The following SPPL2B variants were observed in gnomAD, a reference collection of about 807,000 sequenced individuals.
SPPL2B encodes signal peptide peptidase-like 2B.
In SPPL2B, 39 loss-of-function variants were observed where a neutral mutation model predicts 59.7. The observed-to-expected ratio is 0.65, with a 90% CI of 0.51 to 0.85. SPPL2B has a LOEUF of 0.85. SPPL2B is among the 40% of genes least tolerant of loss of function. The probability of loss-of-function intolerance (pLI) is 0.00; values close to 1 mark genes in which losing one functional copy is unlikely to be tolerated. For synonymous variants in SPPL2B, 419 were observed against 370.8 expected, an observed-to-expected ratio of 1.13 and a Z score of -1.49; for missense variants, 865 against 849.0, an observed-to-expected ratio of 1.02 and a Z score of -0.23.
At chr19:2,351,397 C>T in intron 13 of SPPL2B, 37 bp from the exon 14 acceptor site, 2 of 1,539,958 alleles carry the variant, frequency 1.3e-6, no homozygotes, top group Non-Finnish European at 1.8e-6. Context: ...TGGCCCTGGC[C>T]TGCCTGGCTG....
In SPPL2B at chr19:2,343,311, C is replaced by T. The variant is rs527468895; in HGVS notation, c.1038+19C>T. The T allele has an allele frequency of 3.4e-5, 52 of 1,544,876 alleles. No homozygotes were observed. Among genetic ancestry groups the T allele is most frequent in the East Asian group, 7.3e-5 (3 of 40,922 alleles). On this transcript the variant is annotated intron_variant, in intron 9 of 14. Transcript: ENST00000613503. ...CTTCAAGGTGAGTGCAGGGAGGGCA[C>T]GGCTGCGGGGCAGCATGGGTAGTGG...
chr19:2,343,509 G>A (rs182551053), intron 9 of SPPL2B, among the ~76,000 whole-genome samples: 20 of 152,300 alleles, frequency 1.3e-4, no homozygotes, highest in African/African-American at 4.1e-4. Flanking sequence ...GGCGGTTCCC[G>A]GCAGGGGCAA....
At chr19:2,348,454 G>A (rs1380789087) in intron 13 of SPPL2B, among the ~76,000 whole-genome samples, 2 of 107,990 alleles carry the variant, frequency 1.9e-5, no homozygotes, top group African/African-American at 3.6e-5. Context: ...ACACTCATGC[G>A]CTGTCATTCG....
In SPPL2B at chr19:2,332,884, G is replaced by T. The variant is rs1000650612; in HGVS notation, c.67-1718G>T. ...CGAGATGGAGATGTCTTTGTCAGCTGCTGGGTGGGGGCCCTGGGCAGGGGA... is the reference window on the plus strand; with the variant it reads ...CGAGATGGAGATGTCTTTGTCAGCTTCTGGGTGGGGGCCCTGGGCAGGGGA... On this transcript the variant is annotated intron_variant, in intron 1 of 14. Transcript: ENST00000613503. The surrounding 1 kb of genome is among the most constrained non-coding windows in gnomAD (Gnocchi z 4.6). Among the ~76,000 whole-genome samples, 8 of 152,136 alleles carry T rather than the reference G, an allele frequency of 5.3e-5. No individual in the cohort carries two copies. Among genetic ancestry groups the T allele is most frequent in the African/African-American group, 1.9e-4 (8 of 41,426 alleles).
intron 10 of SPPL2B, 82 bp downstream of exon 10, chr19:2,344,121 T>G: frequency 1.6e-5 from 5 of 312,030 alleles, no homozygotes; most frequent in Non-Finnish European, 2.3e-5. Flanking sequence ...ACCCCCCCCA[T>G]CACCCCGCCC....
chr19:2,337,831 C>G, intron 3 of SPPL2B: 1 of 555,762 alleles, frequency 1.8e-6, no homozygotes. Context: ...TCTGTTCTTC[C>G]TGAGCTGCTG....
At chr19:2,349,832 TCC>T (rs1969789533) in intron 13 of SPPL2B, among the ~76,000 whole-genome samples, 1 of 145,088 alleles carries the variant, frequency 6.9e-6, no homozygotes, top group Non-Finnish European at 1.5e-5. Context: ...GTTCTCTCTC[TCC>T]ACACACACTC....
In SPPL2B at chr19:2,353,159, C is replaced by G. The variant is rs529252797; in HGVS notation, c.1729C>G (p.Arg577Gly). Residue 577 changes from arginine to glycine, a missense_variant, in exon 15 of 15, where the codon CGG (arginine) becomes GGG (glycine). By Grantham distance (125) the Arg-to-Gly change is moderately radical. Transcript: ENST00000613503. ...TGGGAGCCCAGCTGAATCCGAGGGC[C>G]GGGACCAGGCCCAGCCGTCCCCGGT... ...EPGSPAESEG[R>G]DQAQPSPVTQ... 55 of 1,609,336 alleles carry G rather than the reference C, an allele frequency of 3.4e-5. No homozygotes were observed. Among genetic ancestry groups the G allele is most frequent in the Non-Finnish European group, 4.5e-5 (53 of 1,179,212 alleles).
rs1050472668 is a variant in SPPL2B, at chr19:2,354,823, C to T, written c.*1614C>T. On this transcript the variant is annotated 3_prime_UTR_variant, in exon 15 of 15. Coordinates refer to ENST00000613503, the MANE Select transcript of SPPL2B (RefSeq NM_152988.3). ...ATACATATGGCCCGGCCTCTGCCTC[C>T]GCAGTGCACGGCTTGGGGCATCTGC... The T allele has an allele frequency of 3.9e-5, 6 of 152,286 alleles. No individual in the cohort carries two copies. The highest frequency in any genetic ancestry group is 5.9e-5 in the Non-Finnish European group (4 of 68,088). The allele number at this position is 152,286 out of a possible 1,614,324, so 9.4% of individuals were successfully genotyped here.
chr19:2,344,687 G>T, intron 12 of SPPL2B, 35 bp downstream of exon 12: 1 of 1,394,384 alleles, frequency 7.2e-7, no homozygotes, highest in East Asian at 2.3e-5. Flanking sequence ...GGTCCACGCT[G>T]TGGGGCAGGG....
chr19:2,348,161 T>TCTCC (rs1555756551), intron 13 of SPPL2B, among the ~76,000 whole-genome samples: 1 of 21,814 alleles, frequency 4.6e-5, no homozygotes, highest in South Asian at 2.4e-3. Context: ...TTCCGTTCTC[T>TCTCC]CTCCACACAC....
chr19:2,338,560 C>T, intron 3 of SPPL2B, 192 bp from the exon 4 acceptor site: 1 of 554,804 alleles, frequency 1.8e-6, no homozygotes, highest in Non-Finnish European at 3.2e-6. Context: ...GCTTGATGCC[C>T]TTCGGCCTCC....
intron 13 of SPPL2B, among the ~76,000 whole-genome samples, chr19:2,348,297 A>C (rs1340009485): frequency 2.3e-5 from 2 of 87,074 alleles, no homozygotes; most frequent in African/African-American, 4.7e-5. Context: ...CTCTCCCTCC[A>C]CACACACACT....
In SPPL2B at chr19:2,353,589, G is replaced by C. The variant is rs546139720; in HGVS notation, c.*380G>C. 4.5e-6 allele frequency: 1 copy of C among 220,934 alleles called. No individual in the cohort carries two copies. The highest frequency in any genetic ancestry group is 5.2e-5 in the Admixed American group (1 of 19,172). 13.7% of individuals were successfully genotyped at this position (220,934 alleles called of 1,614,324 possible). ...ACACTTGGTGCTCACCAGCTGCTTC[G>C]GCCTTCAGGTGACCTCCCTCCCCAC... On this transcript the variant is annotated 3_prime_UTR_variant, in exon 15 of 15. Transcript: ENST00000613503.
Position 2,340,060 on chromosome 19 carries a change from G to T in SPPL2B, c.743-16G>T. The T allele has an allele frequency of 6.3e-7, 1 of 1,583,630 alleles. No homozygotes were observed. The highest frequency in any genetic ancestry group is 8.6e-7 in the Non-Finnish European group (1 of 1,168,808). ...GTGCGGGCCTGGCCCCCGGCCTCACGGCCCTGCCCCTGCAGTGTACGTGGT... is the reference window on the plus strand; with the variant it reads ...GTGCGGGCCTGGCCCCCGGCCTCACTGCCCTGCCCCTGCAGTGTACGTGGT... On this transcript the variant is annotated splice_polypyrimidine_tract_variant and intron_variant, in intron 6 of 14. Coordinates refer to ENST00000613503, the MANE Select transcript of SPPL2B (RefSeq NM_152988.3).
At chr19:2,349,764 T>C in intron 13 of SPPL2B, among the ~76,000 whole-genome samples, 1 of 129,894 alleles carries the variant, frequency 7.7e-6, no homozygotes, top group African/African-American at 3.2e-5. Flanking sequence ...TGCGCTCTCA[T>C]TTGCTTGATT....
In SPPL2B at chr19:2,347,859, T is replaced by A. The variant is rs543412383; in HGVS notation, c.1354+2529T>A. On this transcript the variant is annotated intron_variant, in intron 13 of 14. Transcript: ENST00000613503. ...CCGTTCTCTCTCCACACACACACAC[T>A]CTCATTCGCCTGATTCCGTTCTCTC... 7.2e-5 allele frequency among the ~76,000 whole-genome samples: 2 copies of A among 27,908 alleles called. 1 individual carries two copies. The highest frequency in any genetic ancestry group is 5.8e-4 in the Admixed American group (2 of 3,422). The allele number at this position is 27,908 out of a possible 152,430, so 18.3% of individuals were successfully genotyped here.
intron 13 of SPPL2B, among the ~76,000 whole-genome samples, chr19:2,346,931 G>A (rs1486023713): frequency 6.6e-6 from 1 of 152,160 alleles, no homozygotes; most frequent in Non-Finnish European, 1.5e-5. Context: ...AAAAAGTGCC[G>A]GGAGCAGTGT....
intron 8 of SPPL2B, chr19:2,342,702 C>G (rs566743163): frequency 1.8e-5 from 3 of 164,368 alleles, no homozygotes; most frequent in Admixed American, 5.7e-5. Context: ...AGCCCTCCTG[C>G]GCACGCACCC....
Sources: gnomAD v4.1 joint callset for allele counts (sites outside exome capture counted in the v4.1 genomes callset) on GRCh38, gnomAD v4.1.1 for gene constraint, Gnocchi (gnomAD v3.1) non-coding constraint, MANE v1.5 for transcripts, NCBI Gene and HGNC (gene_info 2026-07-23, HGNC 2026-07-21) for gene names.